The following CUL3 variants were observed in gnomAD, a reference collection of about 807,000 sequenced individuals.
The protein encoded by CUL3 is cullin-3.
A neutral mutation model predicts 89.1 loss-of-function variants in CUL3; 19 were observed. The ratio of observed to expected loss-of-function variants is 0.21; its 90% CI spans 0.15 to 0.31. CUL3 has a LOEUF of 0.31. CUL3 is among the 10% of genes least tolerant of loss of function. The probability of loss-of-function intolerance (pLI) is 1.00; values close to 1 mark genes in which losing one functional copy is unlikely to be tolerated. For missense variants in CUL3, 469 were observed against 942.3 expected (o/e 0.50, Z 6.58); for synonymous variants, 351 against 308.4 (o/e 1.14, Z -1.45).
intron 3 of CUL3, among the ~76,000 whole-genome samples, chr2:224,531,483 T>C (rs570942406): frequency 3.6e-4 from 54 of 152,022 alleles, no homozygotes; most frequent in African/African-American, 1.2e-3. Context: ...ATTAAAGATA[T>C]ATGTAAGTGC....
intron 2 of CUL3, among the ~76,000 whole-genome samples, chr2:224,552,637 C>T (rs1026738127): frequency 1.3e-5 from 2 of 152,180 alleles, no homozygotes; most frequent in African/African-American, 4.8e-5. Context: ...CTATCCTCAC[C>T]TTGAAATCAA....
At chr2:224,572,711 G>C (rs988683367) in intron 1 of CUL3, among the ~76,000 whole-genome samples, 1 of 151,606 alleles carries the variant, frequency 6.6e-6, no homozygotes, top group African/African-American at 2.4e-5. Flanking sequence ...AATGGGATTA[G>C]GTGGCCTTAT....
chr2:224,540,460 A>G (rs1379894369), intron 2 of CUL3, among the ~76,000 whole-genome samples: 1 of 151,432 alleles, frequency 6.6e-6, no homozygotes, highest in Non-Finnish European at 1.5e-5. Flanking sequence ...AGAAAGAAAG[A>G]AGAAAGAAGA....
chr2:224,511,643 G>A (rs1692830486), intron 5 of CUL3, 61 bp from the exon 6 acceptor site: 2 of 932,628 alleles, frequency 2.1e-6, no homozygotes, highest in Non-Finnish European at 1.6e-6. Context: ...TTTGCTTTTA[G>A]CTGGGTTTCT....
chr2:224,537,647 C>T (rs538231884), intron 2 of CUL3, among the ~76,000 whole-genome samples: 34 of 152,058 alleles, frequency 2.2e-4, no homozygotes, highest in Middle Eastern at 3.4e-3. Context: ...TGAAGAGTAG[C>T]AATTAAATTA....
At chr2:224,570,598 C>T (rs1046988213) in intron 1 of CUL3, among the ~76,000 whole-genome samples, 13 of 151,970 alleles carry the variant, frequency 8.6e-5, no homozygotes, top group African/African-American at 2.9e-4. Context: ...CAGTGGAGAA[C>T]AGATGGGAGT....
At chr2:224,548,546 G>A (rs1409062592) in intron 2 of CUL3, among the ~76,000 whole-genome samples, 2 of 152,000 alleles carry the variant, frequency 1.3e-5, no homozygotes, top group African/African-American at 4.8e-5. Context: ...ATTTTTATAG[G>A]TTCATTTATG....
intron 13 of CUL3, among the ~76,000 whole-genome samples, chr2:224,484,158 G>C (rs190221306): frequency 6.6e-6 from 1 of 152,104 alleles, no homozygotes; most frequent in Admixed American, 6.5e-5. Context: ...GCAAGAATGA[G>C]ACCCTGTCTC....
chr2:224,472,926 G>A lies in CUL3; in HGVS notation c.*1319C>T, dbSNP rs1445103621. On this transcript the variant is annotated 3_prime_UTR_variant, in exon 16 of 16. Coordinates refer to ENST00000264414, the MANE Select transcript of CUL3 (RefSeq NM_003590.5). The stretch of plus-strand genomic sequence containing the variant: ...TAACATTTCATTTTTCTATCCAACA[G>A]AAATCTATAGTGGTTTGCCCCATTA... 4.7e-6 allele frequency: 1 copy of A among 211,462 alleles called. No homozygotes were observed. Among genetic ancestry groups the A allele is most frequent in the Non-Finnish European group, 9.6e-6 (1 of 104,046 alleles). The allele number at this position is 211,462 out of a possible 1,614,324, so 13.1% of individuals were successfully genotyped here.
In CUL3 at chr2:224,470,458, C is replaced by T. The variant is rs1310026199; in HGVS notation, c.*3787G>A. ...TAGTTGTTTTTCTCCTGAGAGCTGG[C>T]GTAATGGCCAATCTCTGTATCATTA... On this transcript the variant is annotated 3_prime_UTR_variant, in exon 16 of 16. Transcript: ENST00000264414. The T allele has an allele frequency of 2.6e-5, 6 of 229,886 alleles. No homozygotes were observed. Among genetic ancestry groups the T allele is most frequent in the African/African-American group, 8.9e-5 (4 of 45,124 alleles). The allele number at this position is 229,886 out of a possible 1,614,324, so 14.2% of individuals were successfully genotyped here. A position where few individuals can be genotyped will look rare whatever the true frequency, so the allele number is the denominator to read the frequency against.
At chr2:224,549,527 T>C (rs1052885153) in intron 2 of CUL3, among the ~76,000 whole-genome samples, 2 of 152,130 alleles carry the variant, frequency 1.3e-5, no homozygotes, top group African/African-American at 4.8e-5. Flanking sequence ...CCAGAAAGGT[T>C]TAGTAATTTG....
intron 3 of CUL3, among the ~76,000 whole-genome samples, chr2:224,523,357 AC>A (rs1278843212): frequency 6.6e-6 from 1 of 151,328 alleles, no homozygotes; most frequent in African/African-American, 2.4e-5. Context: ...ATAAAAAACT[AC>A]CACCTCATAC....
At chr2:224,548,320 A>G (rs1694381858) in intron 2 of CUL3, among the ~76,000 whole-genome samples, 1 of 152,234 alleles carries the variant, frequency 6.6e-6, no homozygotes, top group Admixed American at 6.5e-5. Flanking sequence ...TGAATAAAGG[A>G]AAGGTGAGCA....
At chr2:224,500,628 T>A in intron 10 of CUL3, 141 bp from the exon 11 acceptor site, 13 of 72,612 alleles carry the variant, frequency 1.8e-4, no homozygotes, top group Middle Eastern at 6.9e-3. Flanking sequence ...TTTTCTTTTC[T>A]TTTTTTTTTT....
chr2:224,562,801 TCA>T (rs1408343163), intron 1 of CUL3: 1 of 154,766 alleles, frequency 6.5e-6, no homozygotes. Context: ...TAAAGTAACA[TCA>T]CAGTCACTGA....
intron 13 of CUL3, among the ~76,000 whole-genome samples, chr2:224,490,946 T>C (rs1691948258): frequency 6.6e-6 from 1 of 152,174 alleles, no homozygotes; most frequent in Non-Finnish European, 1.5e-5. Context: ...TATCAAGATA[T>C]CTCACGTATC....
At chr2:224,528,516 T>C (rs1476016843) in intron 3 of CUL3, among the ~76,000 whole-genome samples, 1 of 152,008 alleles carries the variant, frequency 6.6e-6, no homozygotes, top group African/African-American at 2.4e-5. Context: ...TGATTAGTCA[T>C]GGACATATTT....
chr2:224,511,410 A>G lies in CUL3; in HGVS notation c.827T>C (p.Ile276Thr). 2 of 1,613,846 alleles carry G rather than the reference A, an allele frequency of 1.2e-6. No homozygotes were observed. Among genetic ancestry groups the G allele is most frequent in the African/African-American group, 1.3e-5 (1 of 75,024 alleles). The change falls in exon 6 of 16, where the codon ATA becomes ACA. Residue 276 changes from isoleucine (I) to threonine (T), a missense_variant. This residue lies in a region of CUL3 where 370 missense variants were observed against 733.2 expected (regional missense o/e 0.50). Coordinates refer to ENST00000264414, the MANE Select transcript of CUL3 (RefSeq NM_003590.5). Reference sequence around the variant, plus strand: ...TAGCCCAGAATTCTCCATTTCTACTATAGTCTTCATGTGCTTGGAAATGAG... The same window carrying G: ...TAGCCCAGAATTCTCCATTTCTACTGTAGTCTTCATGTGCTTGGAAATGAG... The part of the protein sequence containing the change: ...RELISKHMKT[I>T]VEMENSGLVH...
Position 224,473,783 on chromosome 2 carries a change from T to C in CUL3, c.*462A>G, listed in dbSNP as rs541625442. On this transcript the variant is annotated 3_prime_UTR_variant, in exon 16 of 16. Transcript: ENST00000264414. ...AAATAAGACTAGCTAAAGAAATGTC[T>C]TCAGAGCAAGATAACTGGGAAATCT... The C allele has an allele frequency of 5.2e-6, 1 of 191,656 alleles. No homozygotes were observed. Among genetic ancestry groups the C allele is most frequent in the African/African-American group, 2.3e-5 (1 of 43,200 alleles). 11.9% of individuals were successfully genotyped at this position (191,656 alleles called of 1,614,324 possible).
Sources: gnomAD v4.1 joint callset for allele counts (sites outside exome capture counted in the v4.1 genomes callset) on GRCh38, gnomAD v4.1.1 for gene constraint, gnomAD v4.1.1 regional missense constraint, MANE v1.5 for transcripts, NCBI Gene and HGNC (gene_info 2026-07-23, HGNC 2026-07-21) for gene names.